SPTLC3: variants seen among roughly 807,000 people sequenced by gnomAD.
SPTLC3 encodes serine palmitoyltransferase long chain base subunit 3.
In SPTLC3, 36 loss-of-function variants were observed where a neutral mutation model predicts 59.3. That is an observed-to-expected ratio of 0.61 (90% CI 0.47 to 0.80). SPTLC3 has a LOEUF of 0.80. Among genes scored for constraint, SPTLC3 ranks in the 30% least tolerant of loss-of-function variants. SPTLC3 has a pLI of 0.00. For synonymous variants in SPTLC3, 257 were observed against 240.8 expected (o/e 1.07, Z -0.62); for missense variants, 625 against 685.1 (o/e 0.91, Z 0.98).
chr20:13,097,306 T>TTCAACAAACAACAAACAAA (rs773346791), intron 6 of SPTLC3, among the ~76,000 whole-genome samples: 58 of 152,062 alleles, frequency 3.8e-4, no homozygotes, highest in Non-Finnish European at 7.6e-4. Context: ...TGAACAATCA[T>TTCAACAAACAACAAACAAA]GCTAAGAATG....
At chr20:13,149,447 TAG>T (rs2038594213) in intron 9 of SPTLC3, among the ~76,000 whole-genome samples, 1 of 152,262 alleles carries the variant, frequency 6.6e-6, no homozygotes, top group East Asian at 1.9e-4. Context: ...TAGCGTTTTA[TAG>T]GTACAAATTC....
At chr20:13,126,862 G>T in intron 9 of SPTLC3, 145 bp downstream of exon 9, 1 of 1,163,702 alleles carries the variant, frequency 8.6e-7, no homozygotes, top group Non-Finnish European at 1.2e-6. Context: ...CAAAACTGCC[G>T]TTAGCACACC....
intron 4 of SPTLC3, among the ~76,000 whole-genome samples, chr20:13,075,383 A>G (rs755774889): frequency 3.9e-4 from 59 of 152,358 alleles, no homozygotes; most frequent in Non-Finnish European, 5.3e-4. Context: ...ATTTACTATC[A>G]TGTTAATGAA....
intron 1 of SPTLC3, among the ~76,000 whole-genome samples, chr20:13,035,632 A>G (rs1170376376): frequency 6.6e-6 from 1 of 152,160 alleles, no homozygotes; most frequent in Non-Finnish European, 1.5e-5. Context: ...GTGCCTTCCA[A>G]AACAAAAATA....
At chr20:13,108,577 C>CT (rs1302714127) in intron 6 of SPTLC3, among the ~76,000 whole-genome samples, 2 of 151,298 alleles carry the variant, frequency 1.3e-5, no homozygotes, top group East Asian at 1.9e-4. Flanking sequence ...TTAGATTTAT[C>CT]TTTTTTTTTC....
Position 13,126,623 on chromosome 20 carries a change from T to C in SPTLC3, c.1185T>C (p.His395=). 6.2e-7 allele frequency: 1 copy of C among 1,614,066 alleles called. No homozygotes were observed. The highest frequency in any genetic ancestry group is 8.5e-7 in the Non-Finnish European group (1 of 1,179,944). The change falls in exon 9 of 12, where the codon CAT becomes CAC. Residue 395 remains histidine, a synonymous_variant. Transcript: ENST00000399002. ...TGGATTATTTACGGGTTCACTCGCATAGTGCTGTTTATGCTTCATCCATGA... is the reference window on the plus strand; with the variant it reads ...TGGATTATTTACGGGTTCACTCGCACAGTGCTGTTTATGCTTCATCCATGA... ...DLVDYLRVHS[H]SAVYASSMSP... is the part of the protein sequence containing the mutation.
intron 9 of SPTLC3, among the ~76,000 whole-genome samples, chr20:13,148,595 C>T (rs1404248482): frequency 6.6e-6 from 1 of 152,200 alleles, no homozygotes; most frequent in Non-Finnish European, 1.5e-5. Flanking sequence ...TTTTATTTGC[C>T]ACACCCAGTG....
At chr20:13,078,118 A>G (rs2122586052) in intron 4 of SPTLC3, among the ~76,000 whole-genome samples, 1 of 148,230 alleles carries the variant, frequency 6.7e-6, no homozygotes, top group Admixed American at 6.7e-5. Flanking sequence ...TATAAATAAT[A>G]TTATTACTTA....
At chr20:13,038,238 A>G (rs977512721) in intron 1 of SPTLC3, among the ~76,000 whole-genome samples, 7 of 152,070 alleles carry the variant, frequency 4.6e-5, no homozygotes, top group Non-Finnish European at 7.4e-5. Context: ...CCTTCTGAAT[A>G]TTTTAGAAGA....
intron 6 of SPTLC3, among the ~76,000 whole-genome samples, 169 bp from the exon 7 acceptor site, chr20:13,109,943 T>C (rs571659102): frequency 6.6e-6 from 1 of 152,346 alleles, no homozygotes; most frequent in African/African-American, 2.4e-5. Context: ...AGTTAAGTTC[T>C]ACTGAAAAAT....
At chr20:13,142,253 CA>C (rs1168524544) in intron 9 of SPTLC3, among the ~76,000 whole-genome samples, 5 of 152,188 alleles carry the variant, frequency 3.3e-5, no homozygotes, top group Non-Finnish European at 5.9e-5. Context: ...CACTTCCTTC[CA>C]GCCGTCCCAC....
intron 2 of SPTLC3, among the ~76,000 whole-genome samples, chr20:13,062,223 C>A (rs1293808787): frequency 1.3e-5 from 2 of 152,170 alleles, no homozygotes; most frequent in Non-Finnish European, 2.9e-5. Context: ...TCTCCCCCAC[C>A]AGGCTTGGAT....
intron 2 of SPTLC3, among the ~76,000 whole-genome samples, chr20:13,065,566 G>C (rs1988170634): frequency 1.3e-5 from 2 of 151,812 alleles, no homozygotes; most frequent in Admixed American, 1.3e-4. Context: ...TTGCTGTTTT[G>C]ATAGGTTAAA....
At chr20:13,141,316 A>T (rs1438343747) in intron 9 of SPTLC3, among the ~76,000 whole-genome samples, 1 of 152,176 alleles carries the variant, frequency 6.6e-6, no homozygotes, top group Non-Finnish European at 1.5e-5. Flanking sequence ...TCCTCACTCA[A>T]ATTCTGTCTC....
At chr20:13,049,298 T>C in intron 2 of SPTLC3, 168 bp downstream of exon 2, 1 of 720,794 alleles carries the variant, frequency 1.4e-6, no homozygotes, top group Non-Finnish European at 2.4e-6. Context: ...CATGGGCTTA[T>C]GGACCTGTTT....
In SPTLC3 at chr20:13,117,648, C is replaced by T. The variant is rs756545377; in HGVS notation, c.1075C>T (p.Pro359Ser). 5.6e-6 allele frequency: 9 copies of T among 1,613,926 alleles called. 1 individual carries two copies. The African/African-American group carries it at 6.7e-5, about 12-fold the overall frequency. ...TGTCACGGAGTTCTTTGGACTAGACCCTCATGAAGTTGATGTGCTCATGGG... is the reference window on the plus strand; with the variant it reads ...TGTCACGGAGTTCTTTGGACTAGACTCTCATGAAGTTGATGTGCTCATGGG... ...RGVTEFFGLDPHEVDVLMGTF... is the reference protein window; with the variant it reads ...RGVTEFFGLDSHEVDVLMGTF... Residue 359 changes from proline (P) to serine (S), a missense_variant, in exon 8 of 12, where the codon CCT (proline) becomes TCT (serine). Physicochemically the swap from Pro to Ser is moderately conservative, Grantham distance 74. Transcript: ENST00000399002.
At chr20:13,090,947 A>G in intron 4 of SPTLC3, 136 bp from the exon 5 acceptor site, 1 of 1,182,204 alleles carries the variant, frequency 8.5e-7, no homozygotes, top group Non-Finnish European at 1.2e-6. Context: ...TTTCTAGATT[A>G]GGGCAATGGC....
chr20:13,027,468 T>C (rs2122415058), intron 1 of SPTLC3, among the ~76,000 whole-genome samples: 1 of 151,302 alleles, frequency 6.6e-6, no homozygotes, highest in Middle Eastern at 3.4e-3. Flanking sequence ...AATATTATAA[T>C]GCCAGACACA....
intron 10 of SPTLC3, among the ~76,000 whole-genome samples, chr20:13,156,100 A>G (rs1054845288): frequency 3.9e-5 from 6 of 152,208 alleles, no homozygotes; most frequent in African/African-American, 1.4e-4. Context: ...ACATTTATTC[A>G]AAATGATTGG....
Sources: allele counts gnomAD v4.1 joint callset (sites outside exome capture counted in the v4.1 genomes callset), GRCh38; gene constraint gnomAD v4.1.1; transcripts MANE v1.5; gene names NCBI Gene and HGNC (gene_info 2026-07-23, HGNC 2026-07-21).